TENT2: variants seen among roughly 807,000 people sequenced by gnomAD.
TENT2 encodes the protein terminal nucleotidyltransferase 2.
TENT2 carries 44 observed loss-of-function variants against 72.2 expected under a neutral mutation model. The ratio of observed to expected loss-of-function variants is 0.61; its 90% CI spans 0.48 to 0.78. TENT2 has a LOEUF of 0.78. Ranked by LOEUF, TENT2 falls within the 30% of genes least tolerant of loss-of-function variation. The pLI, the probability that TENT2 is intolerant of heterozygous loss-of-function variation, is 0.00. For missense variants in TENT2, 541 were observed against 569.6 expected (o/e 0.95, Z 0.51); for synonymous variants, 212 against 192.5 (o/e 1.10, Z -0.84).
rs1357152193 is a variant in TENT2, at chr5:79,659,560, A to ATG, written c.1071+2560_1071+2561insGT. Among the ~76,000 whole-genome samples, 181 of 52,680 alleles carry ATG rather than the reference A, an allele frequency of 3.4e-3. 15 individuals are homozygous for ATG. Among genetic ancestry groups the ATG allele is most frequent in the African/African-American group, 0.032 (170 of 5,386 alleles). The allele number at this position is 52,680 out of a possible 152,430, so 34.6% of individuals were successfully genotyped here. ...AAAAAAAAAAAAAAAAAAAATGTAT[A>ATG]TATATATATATATATATATATATAT... is the stretch of plus-strand genomic sequence containing the variant. On this transcript the variant is annotated intron_variant, in intron 11 of 14. Coordinates refer to ENST00000453514, the MANE Select transcript of TENT2 (RefSeq NM_001114394.3).
intron 11 of TENT2, among the ~76,000 whole-genome samples, chr5:79,662,819 C>T (rs1580543403): frequency 6.6e-6 from 1 of 152,320 alleles, no homozygotes; most frequent in South Asian, 2.1e-4. Context: ...GCATTAGCCC[C>T]TAACAAGAGT....
chr5:79,670,708 T>C (rs1812388264), intron 12 of TENT2, among the ~76,000 whole-genome samples: 1 of 151,448 alleles, frequency 6.6e-6, no homozygotes, highest in Admixed American at 6.6e-5. Flanking sequence ...GGTTTAATGG[T>C]TATTCTAGAG....
intron 11 of TENT2, among the ~76,000 whole-genome samples, chr5:79,665,969 ATTCTTTTTTTTTTTCT>A (rs955671444): frequency 8.6e-5 from 13 of 150,504 alleles, no homozygotes; most frequent in African/African-American, 2.4e-4. Flanking sequence ...TTTTAAAGAA[ATTCTTTTTTTTTTTCT>A]TTCTTTTTTT....
intron 11 of TENT2, among the ~76,000 whole-genome samples, chr5:79,666,521 T>A (rs546289767): frequency 6.6e-6 from 1 of 152,040 alleles, no homozygotes; most frequent in African/African-American, 2.4e-5. Flanking sequence ...CTAATCTTTC[T>A]ATTTTTTTTA....
intron 7 of TENT2, among the ~76,000 whole-genome samples, chr5:79,643,561 A>T (rs1346268353): frequency 6.6e-6 from 1 of 152,190 alleles, no homozygotes; most frequent in Non-Finnish European, 1.5e-5. Flanking sequence ...TGTTGAACAG[A>T]CATTCATTAT....
At chr5:79,645,406 A>T (rs913860586) in intron 8 of TENT2, among the ~76,000 whole-genome samples, 4 of 152,120 alleles carry the variant, frequency 2.6e-5, no homozygotes, top group Admixed American at 1.3e-4. Context: ...CATTTTGAAT[A>T]TGTGAGACTA....
chr5:79,630,449 G>A (rs1049607902), intron 4 of TENT2, among the ~76,000 whole-genome samples: 4 of 152,032 alleles, frequency 2.6e-5, no homozygotes, highest in African/African-American at 9.7e-5. Flanking sequence ...TTCGTGGCAG[G>A]TGCCTGTAAT....
In TENT2 at chr5:79,665,450, A is replaced by G. The variant is rs576445182; in HGVS notation, c.1072-3442A>G. On this transcript the variant is annotated intron_variant, in intron 11 of 14. Transcript: ENST00000453514. The stretch of plus-strand genomic sequence containing the variant: ...TATCATGGGACAGTCTCAGAAAAAA[A>G]TGATGGAATCTGGCAAAAGGTATTT... Among the ~76,000 whole-genome samples, 3 of 152,340 alleles carry G rather than the reference A, an allele frequency of 2.0e-5. No individual in the cohort carries two copies. The South Asian group carries it at 6.2e-4, about 32-fold the overall frequency.
At chr5:79,671,716 C>CT (rs1813084785) in intron 12 of TENT2, among the ~76,000 whole-genome samples, 1 of 152,032 alleles carries the variant, frequency 6.6e-6, no homozygotes, top group Non-Finnish European at 1.5e-5. Flanking sequence ...GCCAAAAGTT[C>CT]TTTTTTCTGA....
intron 10 of TENT2, among the ~76,000 whole-genome samples, chr5:79,652,816 G>T (rs1259848175): frequency 2.0e-5 from 3 of 151,826 alleles, no homozygotes. Flanking sequence ...CAAAATATAT[G>T]TCAATCTTGA....
intron 11 of TENT2, among the ~76,000 whole-genome samples, chr5:79,657,366 T>A (rs1437524555): frequency 1.2e-4 from 19 of 152,042 alleles, no homozygotes; most frequent in Admixed American, 1.1e-3. Flanking sequence ...AACTCAGAAA[T>A]TTTTTGGCCC....
intron 8 of TENT2, among the ~76,000 whole-genome samples, chr5:79,648,190 A>G (rs1790682260): frequency 6.6e-6 from 1 of 152,076 alleles, no homozygotes; most frequent in Non-Finnish European, 1.5e-5. Context: ...TACCTATAAT[A>G]CTGGTGATTT....
chr5:79,663,904 C>T (rs2150491311), intron 11 of TENT2, among the ~76,000 whole-genome samples: 1 of 152,198 alleles, frequency 6.6e-6, no homozygotes, highest in South Asian at 2.1e-4. Flanking sequence ...CGAGGTGTGC[C>T]TGTATATATA....
chr5:79,628,148 A>G (rs1298416542), intron 4 of TENT2, among the ~76,000 whole-genome samples: 1 of 152,224 alleles, frequency 6.6e-6, no homozygotes, highest in East Asian at 1.9e-4. Context: ...GTAATCTGTG[A>G]CAGTGGTAGC....
chr5:79,676,146 A>ATG (rs1276264792), intron 12 of TENT2, among the ~76,000 whole-genome samples: 2 of 137,706 alleles, frequency 1.5e-5, no homozygotes, highest in African/African-American at 6.3e-5. Flanking sequence ...ATACATATAT[A>ATG]TATACATATA....
In TENT2 at chr5:79,668,846, G is replaced by A. The variant is rs775493525; in HGVS notation, c.1072-46G>A. The stretch of plus-strand genomic sequence containing the variant: ...CAGGATTTATAAAGTTTCTTAGTGT[G>A]TGTTTTAAATGGCTTTACATTTTTT... On this transcript the variant is annotated intron_variant, in intron 11 of 14. Transcript: ENST00000453514. 5 of 1,568,310 alleles carry A rather than the reference G, an allele frequency of 3.2e-6. No homozygotes were observed. The South Asian group carries it at 6.0e-5, about 19-fold the overall frequency.
chr5:79,685,455 T>C lies in TENT2; in HGVS notation c.*182T>C. On this transcript the variant is annotated 3_prime_UTR_variant, in exon 15 of 15. Coordinates refer to ENST00000453514, the MANE Select transcript of TENT2 (RefSeq NM_001114394.3). ...GACATTTCCTAATAAACCCCTTTGA[T>C]TTAAAAATGTATTTTTAAAAATGTT... 6 of 429,992 alleles carry C rather than the reference T, an allele frequency of 1.4e-5. No homozygotes were observed. The highest frequency in any genetic ancestry group is 2.4e-5 in the Non-Finnish European group (6 of 248,330). The allele number at this position is 429,992 out of a possible 1,614,324, so 26.6% of individuals were successfully genotyped here. A position where few individuals can be genotyped will look rare whatever the true frequency, so the allele number is the denominator to read the frequency against.
chr5:79,661,836 T>G (rs912072347), intron 11 of TENT2, among the ~76,000 whole-genome samples: 1 of 152,184 alleles, frequency 6.6e-6, no homozygotes, highest in East Asian at 1.9e-4. Flanking sequence ...AAAAGATTTC[T>G]CTATAGTGTA....
chr5:79,619,107 TG>T (rs1345213904), intron 1 of TENT2, among the ~76,000 whole-genome samples: 16 of 152,232 alleles, frequency 1.1e-4, no homozygotes, highest in African/African-American at 3.9e-4. Flanking sequence ...CCTCTTTTAT[TG>T]GAAGTCTTTT....
Sources: gnomAD v4.1 joint callset for allele counts (sites outside exome capture counted in the v4.1 genomes callset) on GRCh38, gnomAD v4.1.1 for gene constraint, MANE v1.5 for transcripts, NCBI Gene and HGNC (gene_info 2026-07-23, HGNC 2026-07-21) for gene names.